The following THADA variants were observed in gnomAD, a reference collection of about 807,000 sequenced individuals.
THADA encodes tRNA (32-2'-O)-methyltransferase regulator THADA.
In THADA, 213 loss-of-function variants were observed where a neutral mutation model predicts 219.8. The observed-to-expected ratio is 0.97, with a 90% CI of 0.87 to 1.09. The LOEUF (loss-of-function observed/expected upper bound fraction) is 1.09. Ranked by LOEUF, THADA falls within the 50% of genes least tolerant of loss-of-function variation. The pLI, the probability that THADA is intolerant of heterozygous loss-of-function variation, is 0.00. For synonymous variants in THADA, 1,018 were observed against 828.9 expected (o/e 1.23, Z -3.92); for missense variants, 2,956 against 2,311.3 (o/e 1.28, Z -5.72).
At chr2:43,281,651 G>T (rs115490955) in intron 35 of THADA, among the ~76,000 whole-genome samples, 1 of 151,948 alleles carries the variant, frequency 6.6e-6, no homozygotes, top group Non-Finnish European at 1.5e-5. Flanking sequence ...ATGTTGGTCA[G>T]GCTCAAACTC....
intron 26 of THADA, among the ~76,000 whole-genome samples, chr2:43,452,094 G>A (rs1374814314): frequency 2.0e-5 from 3 of 152,134 alleles, no homozygotes; most frequent in East Asian, 3.9e-4. Flanking sequence ...GTGACAGAGC[G>A]AGACTCCATC....
intron 26 of THADA, among the ~76,000 whole-genome samples, chr2:43,470,443 T>A (rs2104959979): frequency 6.6e-6 from 1 of 152,188 alleles, no homozygotes; most frequent in East Asian, 1.9e-4. Context: ...AATTATCAAG[T>A]AAACTACGAT....
chr2:43,344,768 G>GTT (rs767395296), intron 29 of THADA, among the ~76,000 whole-genome samples: 5 of 144,418 alleles, frequency 3.5e-5, no homozygotes, highest in Non-Finnish European at 1.5e-5. Flanking sequence ...GGTTTTTTTT[G>GTT]TTTTTTTTTT....
In THADA at chr2:43,395,573, G is replaced by C. The variant is rs553314616; in HGVS notation, c.4227+2398C>G. 2.6e-5 allele frequency among the ~76,000 whole-genome samples: 4 copies of C among 152,274 alleles called. No individual in the cohort carries two copies. In the East Asian group the frequency reaches 7.7e-4, roughly 29 times the overall value. On this transcript the variant is annotated intron_variant, in intron 29 of 37. Coordinates refer to ENST00000405975, the MANE Select transcript of THADA (RefSeq NM_022065.5). ...TGGGGCTGTGCAATCTTTTCAAGAGGTCCACAAGACAAATTATTTTCAAGT... is the reference window on the plus strand; with the variant it reads ...TGGGGCTGTGCAATCTTTTCAAGAGCTCCACAAGACAAATTATTTTCAAGT...
At chr2:43,231,895 A>T (rs570770468) in intron 37 of THADA, among the ~76,000 whole-genome samples, 1 of 152,314 alleles carries the variant, frequency 6.6e-6, no homozygotes, top group Non-Finnish European at 1.5e-5. Context: ...GATGCCAAGA[A>T]GGCCAGCTGA....
rs1695266856 is a variant in THADA, at chr2:43,541,258, TCTC to T, written c.3162_3164del (p.Trp1054_Arg1055delinsTer). 6.2e-7 allele frequency: 1 copy of T among 1,612,712 alleles called. No individual in the cohort carries two copies. Among genetic ancestry groups the T allele is most frequent in the Non-Finnish European group, 8.5e-7 (1 of 1,179,458 alleles). Reference sequence around the variant, plus strand: ...AAAGTAAAGCAACTTCCTTCATACTTCTCCAACAACATACCAGCACCATCTGCG... The same window carrying T: ...AAAGTAAAGCAACTTCCTTCATACTTCAACAACATACCAGCACCATCTGCG... On this transcript the variant is annotated stop_gained and inframe_deletion, in exon 21 of 38. Coordinates refer to ENST00000405975, the MANE Select transcript of THADA (RefSeq NM_022065.5). LOFTEE classifies it high-confidence loss of function.
chr2:43,309,107 C>G (rs1012143581), intron 31 of THADA, among the ~76,000 whole-genome samples: 15 of 152,306 alleles, frequency 9.8e-5, no homozygotes, highest in African/African-American at 2.9e-4. Context: ...AAAACTCTTA[C>G]AACCCAGTAA....
chr2:43,263,114 A>G (rs995265479), intron 36 of THADA, among the ~76,000 whole-genome samples: 1 of 152,142 alleles, frequency 6.6e-6, no homozygotes, highest in African/African-American at 2.4e-5. Context: ...GTGCTGGACT[A>G]AATGTGTCAC....
In THADA at chr2:43,248,824, G is replaced by A. The variant is rs372800832; in HGVS notation, c.5297-15942C>T. ...TTCCTGTCCCCACACTCTCAGCCTC[G>A]TGCCCAGTCTGACTGGGCTCTCTCG... On this transcript the variant is annotated intron_variant, in intron 36 of 37. Transcript: ENST00000405975. Among the ~76,000 whole-genome samples, 9 of 152,168 alleles carry A rather than the reference G, an allele frequency of 5.9e-5. No individual in the cohort carries two copies. In the East Asian group the frequency reaches 1.2e-3, roughly 20 times the overall value.
chr2:43,429,055 C>A (rs915782066), intron 27 of THADA, among the ~76,000 whole-genome samples: 1 of 151,990 alleles, frequency 6.6e-6, no homozygotes, highest in African/African-American at 2.4e-5. Context: ...AAAAGACATG[C>A]TTTATGATGT....
At chr2:43,479,253 C>T (rs1033015300) in intron 26 of THADA, among the ~76,000 whole-genome samples, 1 of 152,116 alleles carries the variant, frequency 6.6e-6, no homozygotes, top group Non-Finnish European at 1.5e-5. Context: ...AAATAATCGA[C>T]TGATTTTTTA....
Position 43,337,546 on chromosome 2 carries a change from GTC to G in THADA, c.4343+6574_4343+6575del, listed in dbSNP as rs1666599693. On this transcript the variant is annotated intron_variant, in intron 30 of 37. Coordinates refer to ENST00000405975, the MANE Select transcript of THADA (RefSeq NM_022065.5). ...TATCTTAGTTAAAATTTTGGTGGAG[GTC>G]TCTCACGCACTGTTGGTAGGCAGAT... is the stretch of plus-strand genomic sequence containing the variant. 3.3e-5 allele frequency among the ~76,000 whole-genome samples: 5 copies of G among 152,226 alleles called. No homozygotes were observed. In the South Asian group the frequency reaches 1.0e-3, roughly 32 times the overall value.
At chr2:43,421,284 C>T (rs754620057) in intron 28 of THADA, among the ~76,000 whole-genome samples, 1 of 152,110 alleles carries the variant, frequency 6.6e-6, no homozygotes, top group Non-Finnish European at 1.5e-5. Context: ...TAGCAGAACC[C>T]TTTTTTCACC....
chr2:43,559,645 C>A (rs1697821830), intron 16 of THADA, among the ~76,000 whole-genome samples: 1 of 152,186 alleles, frequency 6.6e-6, no homozygotes, highest in Admixed American at 6.5e-5. Context: ...TCACTTCCAA[C>A]CCCACCTTTA....
At chr2:43,595,047 C>G (rs1382887841) in intron 1 of THADA, among the ~76,000 whole-genome samples, 5 of 152,230 alleles carry the variant, frequency 3.3e-5, no homozygotes, top group Non-Finnish European at 7.3e-5. Context: ...TTTCAAGTCT[C>G]AATTTCCAAA....
At chr2:43,449,986 G>C (rs930497114) in intron 26 of THADA, among the ~76,000 whole-genome samples, 3 of 152,126 alleles carry the variant, frequency 2.0e-5, no homozygotes, top group Non-Finnish European at 4.4e-5. Context: ...TAAAAACTAA[G>C]TGAGTTCAGT....
At chr2:43,373,569 C>T (rs1023327056) in intron 29 of THADA, among the ~76,000 whole-genome samples, 3 of 152,138 alleles carry the variant, frequency 2.0e-5, no homozygotes, top group Middle Eastern at 3.4e-3. Flanking sequence ...CTCCACCTCC[C>T]GGGTTCAAGC....
chr2:43,365,878 A>T (rs1670085402), intron 29 of THADA, among the ~76,000 whole-genome samples: 1 of 152,158 alleles, frequency 6.6e-6, no homozygotes, highest in South Asian at 2.1e-4. Context: ...AGATGGGAAG[A>T]CACTGTCTCC....
rs371812749 is a variant in THADA, at chr2:43,292,060, C to T, written c.4937+44G>A. 2.3e-6 allele frequency: 3 copies of T among 1,301,772 alleles called. No individual in the cohort carries two copies. In the African/African-American group the frequency reaches 4.4e-5, roughly 19 times the overall value. 80.6% of individuals were successfully genotyped at this position (1,301,772 alleles called of 1,614,324 possible). ...GTTCATTACATAATGACTGATGGGA[C>T]CATACATCTTACCAAGGTTGCACAG... On this transcript the variant is annotated intron_variant, in intron 33 of 37. Transcript: ENST00000405975.
Sources: gnomAD v4.1 joint callset for allele counts (sites outside exome capture counted in the v4.1 genomes callset) on GRCh38, gnomAD v4.1.1 for gene constraint, MANE v1.5 for transcripts, NCBI Gene and HGNC (gene_info 2026-07-23, HGNC 2026-07-21) for gene names.